LRRC4C: variants seen among roughly 807,000 people sequenced by gnomAD.
LRRC4C encodes the protein leucine rich repeat containing 4C, also known as leucine-rich repeat-containing protein 4C.
Under a neutral mutation model 33.6 loss-of-function variants are expected in LRRC4C, and 5 were observed. That is an observed-to-expected ratio of 0.15 (90% confidence interval 0.08 to 0.31). LRRC4C has a LOEUF of 0.31. Ranked by LOEUF, LRRC4C falls within the 10% of genes least tolerant of loss-of-function variation. The pLI is 1.00. For missense variants in LRRC4C, 560 were observed against 796.7 expected (o/e 0.70, Z 3.58); for synonymous variants, 329 against 302.0 (o/e 1.09, Z -0.93).
At chr11:40,850,981 C>G (rs560680657) in intron 2 of LRRC4C, among the ~76,000 whole-genome samples, 3 of 152,168 alleles carry the variant, frequency 2.0e-5, no homozygotes, top group South Asian at 4.1e-4. Flanking sequence ...CACCTCCCCC[C>G]ACCAAGCTGG....
intron 3 of LRRC4C, among the ~76,000 whole-genome samples, chr11:40,539,375 C>T (rs995793904): frequency 6.6e-6 from 1 of 152,082 alleles, no homozygotes; most frequent in Non-Finnish European, 1.5e-5. Context: ...ATTTCCATCT[C>T]TTTTCTATCT....
intron 2 of LRRC4C, among the ~76,000 whole-genome samples, chr11:40,763,093 GTATA>G (rs148156857): frequency 1.4e-5 from 2 of 147,418 alleles, no homozygotes; most frequent in East Asian, 2.0e-4. Flanking sequence ...ACATATATAT[GTATA>G]TATATATATT....
At chr11:40,613,883 A>G (rs1465981676) in intron 3 of LRRC4C, among the ~76,000 whole-genome samples, 7 of 151,848 alleles carry the variant, frequency 4.6e-5, no homozygotes. Flanking sequence ...TTTTTGAAAT[A>G]AATCTTTTTT....
intron 1 of LRRC4C, among the ~76,000 whole-genome samples, chr11:41,427,528 G>A (rs1242582724): frequency 6.6e-6 from 1 of 152,162 alleles, no homozygotes; most frequent in African/African-American, 2.4e-5. Flanking sequence ...AGGGTTCTAC[G>A]AAGAAGAGAT....
intron 2 of LRRC4C, among the ~76,000 whole-genome samples, chr11:40,891,134 G>A (rs1955689104): frequency 6.6e-6 from 1 of 152,094 alleles, no homozygotes; most frequent in Admixed American, 6.6e-5. Context: ...GGGAGGCTGA[G>A]GTAGGAGAAA....
intron 1 of LRRC4C, among the ~76,000 whole-genome samples, chr11:40,954,901 T>C (rs1397954135): frequency 6.6e-6 from 1 of 151,800 alleles, no homozygotes; most frequent in African/African-American, 2.4e-5. Flanking sequence ...TTTGTACACA[T>C]TTCCTCATCT....
chr11:40,247,149 T>C (rs1474557136), intron 4 of LRRC4C, among the ~76,000 whole-genome samples: 1 of 152,116 alleles, frequency 6.6e-6, no homozygotes, highest in African/African-American at 2.4e-5. Context: ...TATGGACCTT[T>C]TTAAATCACC....
chr11:41,114,979 G>A (rs1942038553), intron 1 of LRRC4C, among the ~76,000 whole-genome samples: 1 of 151,902 alleles, frequency 6.6e-6, no homozygotes, highest in Non-Finnish European at 1.5e-5. Context: ...AGTAGATGAG[G>A]GCCGGGATAA....
At chr11:40,998,803 C>T (rs1369377652) in intron 1 of LRRC4C, among the ~76,000 whole-genome samples, 1 of 152,060 alleles carries the variant, frequency 6.6e-6, no homozygotes, top group Non-Finnish European at 1.5e-5. Flanking sequence ...TTATAGCAGC[C>T]ACATATAATG....
At chr11:40,576,432 C>G (rs1260311038) in intron 3 of LRRC4C, among the ~76,000 whole-genome samples, 8 of 152,164 alleles carry the variant, frequency 5.3e-5, no homozygotes, top group Admixed American at 5.2e-4. Context: ...CTTGTACTTT[C>G]TCAGGTTGTT....
intron 1 of LRRC4C, among the ~76,000 whole-genome samples, chr11:41,392,150 C>G (rs1953622197): frequency 6.6e-6 from 1 of 151,836 alleles, no homozygotes; most frequent in African/African-American, 2.4e-5. Flanking sequence ...CTGTGGAATT[C>G]ATGATAAGGC....
At chr11:40,711,129 C>T (rs1460636853) in intron 2 of LRRC4C, among the ~76,000 whole-genome samples, 1 of 152,150 alleles carries the variant, frequency 6.6e-6, no homozygotes, top group East Asian at 1.9e-4. Flanking sequence ...AAGGGAAATC[C>T]CCCGACCCCT....
intron 5 of LRRC4C, among the ~76,000 whole-genome samples, chr11:40,167,237 G>A (rs747893114): frequency 6.6e-6 from 1 of 152,066 alleles, no homozygotes; most frequent in African/African-American, 2.4e-5. Context: ...AAAATACATA[G>A]CCTCTGTTTC....
intron 1 of LRRC4C, among the ~76,000 whole-genome samples, chr11:41,199,726 G>A (rs901456444): frequency 3.9e-5 from 6 of 152,004 alleles, no homozygotes; most frequent in East Asian, 1.9e-4. Flanking sequence ...CAGCGTTTCT[G>A]TGATTGCTAG....
At chr11:41,381,249 A>T (rs979146662) in intron 1 of LRRC4C, among the ~76,000 whole-genome samples, 1 of 152,196 alleles carries the variant, frequency 6.6e-6, no homozygotes. Flanking sequence ...AAAAACTGTC[A>T]TAAAAATAAT....
chr11:40,973,105 C>T (rs1286327048), intron 1 of LRRC4C, among the ~76,000 whole-genome samples: 2 of 152,044 alleles, frequency 1.3e-5, no homozygotes, highest in African/African-American at 4.8e-5. Flanking sequence ...TCCTGAAGCT[C>T]CCCAGAAGCA....
At chr11:41,338,546 G>A (rs1182875246) in intron 1 of LRRC4C, among the ~76,000 whole-genome samples, 1 of 152,044 alleles carries the variant, frequency 6.6e-6, no homozygotes, top group African/African-American at 2.4e-5. Context: ...CCTGTCGGGA[G>A]GTGGTGAGGA....
At chr11:41,022,162 A>ATG (rs1002735455) in intron 1 of LRRC4C, among the ~76,000 whole-genome samples, 1 of 147,778 alleles carries the variant, frequency 6.8e-6, no homozygotes. Flanking sequence ...ATATATATAT[A>ATG]TATGTATATA....
intron 3 of LRRC4C, among the ~76,000 whole-genome samples, chr11:40,503,789 T>A (rs1954898519): frequency 6.6e-6 from 1 of 152,202 alleles, no homozygotes; most frequent in African/African-American, 2.4e-5. Flanking sequence ...ATTTTATTAG[T>A]GTGGTTTTAA....
Sources: allele counts gnomAD v4.1 joint callset (sites outside exome capture counted in the v4.1 genomes callset), GRCh38; gene constraint gnomAD v4.1.1; transcripts MANE v1.5; gene names NCBI Gene and HGNC (gene_info 2026-07-23, HGNC 2026-07-21).